The following CBLB variants were observed in gnomAD, a reference collection of about 807,000 sequenced individuals.
The protein encoded by CBLB is Cbl proto-oncogene B.
In CBLB, 31 loss-of-function variants were observed where a neutral mutation model predicts 104.9. That is an observed-to-expected ratio of 0.30 (90% confidence interval 0.22 to 0.40). The LOEUF is 0.40. CBLB is among the 10% of genes least tolerant of loss of function. The pLI is 1.00. For missense variants in CBLB, 1,062 were observed against 1,214.6 expected (o/e 0.87, Z 1.87); for synonymous variants, 440 against 422.6 (o/e 1.04, Z -0.51).
At chr3:105,825,564 C>T (rs546125645) in intron 3 of CBLB, among the ~76,000 whole-genome samples, 164 of 152,172 alleles carry the variant, frequency 1.1e-3, no homozygotes, top group Admixed American at 2.4e-3. Context: ...ACAGAGTAGG[C>T]GCTCAACAAA....
chr3:105,696,530 A>T (rs1415654458), intron 12 of CBLB, among the ~76,000 whole-genome samples: 1 of 151,862 alleles, frequency 6.6e-6, no homozygotes, highest in Non-Finnish European at 1.5e-5. Flanking sequence ...TAGTTCCTCA[A>T]ATGCACAGAC....
chr3:105,741,596 C>T (rs995008450), intron 6 of CBLB, among the ~76,000 whole-genome samples: 8 of 152,152 alleles, frequency 5.3e-5, no homozygotes, highest in South Asian at 2.1e-4. Flanking sequence ...TGGGGTTCAC[C>T]GTGTTAGCCA....
At chr3:105,741,274 C>T (rs1396248741) in intron 6 of CBLB, among the ~76,000 whole-genome samples, 5 of 152,046 alleles carry the variant, frequency 3.3e-5, no homozygotes, top group East Asian at 3.9e-4. Context: ...CTGCAACCTC[C>T]GCCTCCCAGG....
intron 9 of CBLB, among the ~76,000 whole-genome samples, chr3:105,732,416 ACAT>A (rs1213517670): frequency 6.6e-6 from 1 of 152,224 alleles, no homozygotes; most frequent in East Asian, 1.9e-4. Flanking sequence ...AATTTCGCCA[ACAT>A]CATGAAGGGA....
chr3:105,733,395 T>G (rs906753664), intron 9 of CBLB, among the ~76,000 whole-genome samples: 1 of 151,104 alleles, frequency 6.6e-6, no homozygotes, highest in African/African-American at 2.4e-5. Context: ...GGAAAACCAG[T>G]TATTCTCCAG....
rs56201760 is a variant in CBLB, at chr3:105,751,135, T to C, written c.723+327A>G. The stretch of plus-strand genomic sequence containing the variant: ...TCCAGTTGTTGCATTCTATCCATCA[T>C]TGTGCTAAAAGATCAACAAAATAAA... On this transcript the variant is annotated intron_variant, in intron 5 of 18. Coordinates refer to ENST00000394030, the MANE Select transcript of CBLB (RefSeq NM_170662.5). Among the ~76,000 whole-genome samples, 659 of 152,332 alleles carry C rather than the reference T, an allele frequency of 4.3e-3. 4 individuals are homozygous for C. The highest frequency in any genetic ancestry group is 0.03 in the South Asian group (145 of 4,828).
In CBLB at chr3:105,670,295, G is replaced by A. The variant is rs2064930963; in HGVS notation, c.2627C>T (p.Pro876Leu). The change falls in exon 18 of 19, where the codon CCA becomes CTA. Residue 876 changes from proline to leucine, a missense_variant. Transcript: ENST00000394030. ...QVPLPPARRLPGENVKTNRTS... is the reference protein window; with the variant it reads ...QVPLPPARRLLGENVKTNRTS... ...TCTGTTAGTTTTGACATTTTCACCTGGTAACCTTCTAGCAGGAGGCAAAGG... is the reference window on the plus strand; with the variant it reads ...TCTGTTAGTTTTGACATTTTCACCTAGTAACCTTCTAGCAGGAGGCAAAGG... The A allele has an allele frequency of 7.4e-6, 12 of 1,611,536 alleles. No homozygotes were observed. The highest frequency in any genetic ancestry group is 7.6e-6 in the Non-Finnish European group (9 of 1,178,000).
chr3:105,703,115 T>G (rs995688874), intron 11 of CBLB, among the ~76,000 whole-genome samples: 1 of 152,202 alleles, frequency 6.6e-6, no homozygotes, highest in African/African-American at 2.4e-5. Context: ...TATAGATCAA[T>G]GAATTGAATG....
intron 10 of CBLB, among the ~76,000 whole-genome samples, chr3:105,715,005 G>A (rs2071646980): frequency 6.6e-6 from 1 of 152,164 alleles, no homozygotes; most frequent in African/African-American, 2.4e-5. Context: ...AGTTCAGTCT[G>A]TCAACATTTT....
intron 3 of CBLB, among the ~76,000 whole-genome samples, chr3:105,847,021 A>C (rs2090339169): frequency 6.6e-6 from 1 of 152,116 alleles, no homozygotes; most frequent in Non-Finnish European, 1.5e-5. Context: ...AACATAAGGA[A>C]AGAAAGTAGG....
chr3:105,775,160 A>G (rs1178731005), intron 4 of CBLB, among the ~76,000 whole-genome samples: 2 of 152,200 alleles, frequency 1.3e-5, no homozygotes, highest in African/African-American at 4.8e-5. Context: ...TACAACACAG[A>G]ATTTCCATGT....
chr3:105,833,346 G>A (rs142832217), intron 3 of CBLB, among the ~76,000 whole-genome samples: 5 of 152,286 alleles, frequency 3.3e-5, no homozygotes, highest in African/African-American at 1.2e-4. Flanking sequence ...CCAGAATCCT[G>A]CTTCAGGCAG....
rs2069217001 is a variant in CBLB at position 105,702,118 on chromosome 3, A to G, written c.1935T>C (p.His645=). 1 of 1,614,046 alleles carries G rather than the reference A, an allele frequency of 6.2e-7. No individual in the cohort carries two copies. The highest frequency in any genetic ancestry group is 1.3e-5 in the African/African-American group (1 of 74,920). ...DPVLMRKHRR[H]DLPLEGAKVF... ...CCTTAGCTCCTTCTAAAGGCAAATC[A>G]TGGCGTCTGTGTTTCCGCATAAGCA... Residue 645 remains histidine, a synonymous_variant, in exon 12 of 19, where the codon CAT becomes CAC. Coordinates refer to ENST00000394030, the MANE Select transcript of CBLB (RefSeq NM_170662.5).
At position 105,751,614 on chromosome 3, in the gene CBLB, T is replaced by C. The variant is rs548001919; in HGVS notation, c.571A>G (p.Ile191Val). Residue 191 changes from isoleucine to valine, a missense_variant, in exon 5 of 19, where the codon ATC becomes GTC. This residue lies in a region of CBLB where 457 missense variants were observed against 632.0 expected (regional missense o/e 0.72). Transcript: ENST00000394030. ...FWRKFFGDKT[I>V]VPWKVFRQCL... ...TGTCTGAATACTTTCCATGGTACGA[T>C]AGTTCTGTGCAAGGTGGAAAAAAAG... 52 of 1,613,138 alleles carry C rather than the reference T, an allele frequency of 3.2e-5. No homozygotes were observed. Among genetic ancestry groups the C allele is most frequent in the East Asian group, 6.7e-5 (3 of 44,860 alleles).
chr3:105,782,689 C>T (rs529537314), intron 3 of CBLB, among the ~76,000 whole-genome samples: 2 of 151,186 alleles, frequency 1.3e-5, no homozygotes, highest in African/African-American at 2.4e-5. Flanking sequence ...TGGGTTCAAG[C>T]GATTCTCGTG....
chr3:105,688,711 T>C (rs1208217360), intron 13 of CBLB, among the ~76,000 whole-genome samples: 11 of 152,036 alleles, frequency 7.2e-5, no homozygotes, highest in Non-Finnish European at 1.6e-4. Context: ...AAACAAAATA[T>C]AGCTATATTT....
intron 3 of CBLB, among the ~76,000 whole-genome samples, chr3:105,828,787 C>T (rs552860792): frequency 4.3e-4 from 66 of 152,142 alleles, no homozygotes; most frequent in Middle Eastern, 3.4e-3. Flanking sequence ...TCAAACACAA[C>T]CTACTCGATT....
At chr3:105,694,305 T>A (rs1237118045) in intron 12 of CBLB, among the ~76,000 whole-genome samples, 1 of 151,980 alleles carries the variant, frequency 6.6e-6, no homozygotes, top group Non-Finnish European at 1.5e-5. Context: ...GAAAAACTGT[T>A]CGTTTCTCCT....
chr3:105,775,146 T>C (rs1430113394), intron 4 of CBLB, among the ~76,000 whole-genome samples: 1 of 152,222 alleles, frequency 6.6e-6, no homozygotes, highest in African/African-American at 2.4e-5. Context: ...AATAACTAGA[T>C]TGCTACAACA....
Sources: allele counts gnomAD v4.1 joint callset (sites outside exome capture counted in the v4.1 genomes callset), GRCh38; gene constraint gnomAD v4.1.1; regional missense constraint gnomAD v4.1.1; transcripts MANE v1.5; gene names NCBI Gene and HGNC (gene_info 2026-07-23, HGNC 2026-07-21).